LRRN3: variants seen among roughly 807,000 people sequenced by gnomAD.
LRRN3 encodes leucine-rich repeat neuronal protein 3.
In LRRN3, 15 loss-of-function variants were observed where a neutral mutation model predicts 40.1. That is an observed-to-expected ratio of 0.37 (90% CI 0.25 to 0.58). LRRN3 has a LOEUF of 0.58. Ranked by LOEUF, LRRN3 falls within the 20% of genes least tolerant of loss-of-function variation. The probability of loss-of-function intolerance (pLI) is 0.72; values close to 1 mark genes in which losing one functional copy is unlikely to be tolerated. For missense variants in LRRN3, 746 were observed against 837.7 expected (o/e 0.89, Z 1.35); for synonymous variants, 308 against 297.2 (o/e 1.04, Z -0.37).
intron 2 of LRRN3, among the ~76,000 whole-genome samples, chr7:111,100,624 T>G (rs1797872368): frequency 6.6e-6 from 1 of 151,068 alleles, no homozygotes; most frequent in African/African-American, 2.4e-5. Context: ...GATTTTCTAC[T>G]TAAACATTCT....
chr7:111,110,523 G>A (rs1021671302), intron 2 of LRRN3, among the ~76,000 whole-genome samples: 3 of 152,010 alleles, frequency 2.0e-5, no homozygotes, highest in South Asian at 2.1e-4. Flanking sequence ...AGTTTTATTC[G>A]TTTTTCAGTT....
Position 111,098,701 on chromosome 7 carries a change from G to A in LRRN3, c.-440-1180G>A, listed in dbSNP as rs150316763. On this transcript the variant is annotated intron_variant, in intron 1 of 2. Coordinates refer to ENST00000308478, the MANE Select transcript of LRRN3 (RefSeq NM_001099658.2). ...TTCATAACGACCGTACTAAGTAAGC[G>A]CTATGTTTAACCCATTTTACCAACG... 5.1e-4 allele frequency among the ~76,000 whole-genome samples: 77 copies of A among 151,792 alleles called. No homozygotes were observed. In the East Asian group the frequency reaches 0.012, roughly 24 times the overall value.
intron 2 of LRRN3, among the ~76,000 whole-genome samples, chr7:111,111,929 A>G (rs907947287): frequency 7.0e-6 from 1 of 143,820 alleles, no homozygotes; most frequent in African/African-American, 2.6e-5. Flanking sequence ...ATTTATATAT[A>G]TATATATAGT....
chr7:111,123,057 T>C lies in LRRN3; in HGVS notation c.285T>C (p.Thr95=), dbSNP rs151294396. The change falls in exon 3 of 3, where the codon ACT becomes ACC. Residue 95 remains threonine (T), a synonymous_variant. Coordinates refer to ENST00000308478, the MANE Select transcript of LRRN3 (RefSeq NM_001099658.2). The surrounding 1 kb of genome is among the most constrained non-coding windows in gnomAD (Gnocchi z 6.4). ...CCACAGACTTTCCAGTAAACCTTAC[T>C]GGCCTGGATTTATCTCAAAACAATT... is the stretch of plus-strand genomic sequence containing the variant. ...EYSTDFPVNL[T]GLDLSQNNLS... 8.4e-5 allele frequency: 135 copies of C among 1,613,792 alleles called. No individual in the cohort carries two copies. The highest frequency in any genetic ancestry group is 1.1e-4 in the Non-Finnish European group (134 of 1,179,954).
In LRRN3 at chr7:111,116,090, C is replaced by G. The variant is rs974129993; in HGVS notation, c.-358-6325C>G. ...TCTCTCAAATCTGCCCAAAGCATAT[C>G]TTGAGACTCAGGAGAGAGAATTGTG... On this transcript the variant is annotated intron_variant, in intron 2 of 2. Transcript: ENST00000308478. Among the ~76,000 whole-genome samples, 7 of 152,164 alleles carry G rather than the reference C, an allele frequency of 4.6e-5. No individual in the cohort carries two copies. The East Asian group carries it at 1.3e-3, about 29-fold the overall frequency.
In LRRN3 at chr7:111,124,907, C is replaced by G. The variant is rs759988148; in HGVS notation, c.*8C>G. ...CCAACAAATATGTCCTAAAAACCAC[C>G]AAGGAAACCTACTCCAAAAATGAAC... On this transcript the variant is annotated 3_prime_UTR_variant, in exon 3 of 3. Coordinates refer to ENST00000308478, the MANE Select transcript of LRRN3 (RefSeq NM_001099658.2). 2.8e-6 allele frequency: 4 copies of G among 1,424,632 alleles called. No individual in the cohort carries two copies. Among genetic ancestry groups the G allele is most frequent in the Non-Finnish European group, 3.7e-6 (4 of 1,078,690 alleles). 88.2% of individuals were successfully genotyped at this position (1,424,632 alleles called of 1,614,324 possible).
At chr7:111,102,041 A>G (rs1798033634) in intron 2 of LRRN3, among the ~76,000 whole-genome samples, 1 of 151,382 alleles carries the variant, frequency 6.6e-6, no homozygotes, top group African/African-American at 2.4e-5. Context: ...ACTGCCGCCA[A>G]TATGATTAAT....
In LRRN3 at chr7:111,123,871, A is replaced by G. The variant is rs368864566; in HGVS notation, c.1099A>G (p.Ser367Gly). The change falls in exon 3 of 3, where the codon AGT becomes GGT. Residue 367 changes from serine to glycine, a missense_variant. Ser to Gly is a moderately conservative substitution (Grantham distance 56, BLOSUM62 0). Coordinates refer to ENST00000308478, the MANE Select transcript of LRRN3 (RefSeq NM_001099658.2). The surrounding 1 kb of genome is among the most constrained non-coding windows in gnomAD (Gnocchi z 6.4). ...AAACCTCAAGGAAATCAGCATACAC[A>G]GTAACCCCATCAGGTGTGACTGTGT... Reference protein sequence around the residue: ...LPNLKEISIHSNPIRCDCVIR... With the variant: ...LPNLKEISIHGNPIRCDCVIR... The G allele has an allele frequency of 6.2e-6, 10 of 1,614,044 alleles. No homozygotes were observed. The African/African-American group carries it at 1.3e-4, about 22-fold the overall frequency.
chr7:111,094,517 T>A (rs879455874), intron 1 of LRRN3, among the ~76,000 whole-genome samples: 2 of 152,154 alleles, frequency 1.3e-5, no homozygotes, highest in Non-Finnish European at 2.9e-5. Flanking sequence ...TTTAGCTACT[T>A]ATGTATCACT....
In LRRN3 at chr7:111,124,374, C is replaced by T. The variant is rs1801030583; in HGVS notation, c.1602C>T (p.Ala534=). ...SLNIKIRDIQ[A]NSVLVSWKAS... is the part of the protein sequence containing the mutation. ...ATATTAAAATAAGAGATATTCAGGCCAATTCAGTTTTGGTGTCCTGGAAAG... is the reference window on the plus strand; with the variant it reads ...ATATTAAAATAAGAGATATTCAGGCTAATTCAGTTTTGGTGTCCTGGAAAG... The change falls in exon 3 of 3, where the codon GCC becomes GCT. Residue 534 remains alanine, a synonymous_variant. Coordinates refer to ENST00000308478, the MANE Select transcript of LRRN3 (RefSeq NM_001099658.2). 1 of 1,613,486 alleles carries T rather than the reference C, an allele frequency of 6.2e-7. No homozygotes were observed. The highest frequency in any genetic ancestry group is 2.2e-5 in the East Asian group (1 of 44,822).
intron 2 of LRRN3, among the ~76,000 whole-genome samples, chr7:111,109,745 T>C (rs1272975451): frequency 6.6e-6 from 1 of 152,218 alleles, no homozygotes; most frequent in African/African-American, 2.4e-5. Context: ...AATTTGTACA[T>C]TGTAGCACAA....
chr7:111,092,966 G>A (rs1418269862), intron 1 of LRRN3, among the ~76,000 whole-genome samples: 1 of 152,068 alleles, frequency 6.6e-6, no homozygotes, highest in Non-Finnish European at 1.5e-5. Context: ...GCTATTATTG[G>A]TTTCCTAGTT....
chr7:111,119,174 T>G (rs1741796416), intron 2 of LRRN3, among the ~76,000 whole-genome samples: 1 of 152,218 alleles, frequency 6.6e-6, no homozygotes, highest in African/African-American at 2.4e-5. Flanking sequence ...GGTTTCTCCA[T>G]TCTCAGCTAA....
chr7:111,109,295 G>A (rs753771612), intron 2 of LRRN3, among the ~76,000 whole-genome samples: 5 of 151,308 alleles, frequency 3.3e-5, no homozygotes, highest in South Asian at 2.1e-4. Context: ...AAGGTATGAC[G>A]GAGGCACATC....
At chr7:111,119,304 C>T (rs1306063623) in intron 2 of LRRN3, among the ~76,000 whole-genome samples, 1 of 152,130 alleles carries the variant, frequency 6.6e-6, no homozygotes, top group Non-Finnish European at 1.5e-5. Context: ...TATATGCTCC[C>T]AAATGAGCAT....
intron 1 of LRRN3, among the ~76,000 whole-genome samples, chr7:111,093,879 G>T (rs13229845): frequency 6.6e-6 from 1 of 152,034 alleles, no homozygotes; most frequent in Non-Finnish European, 1.5e-5. Flanking sequence ...ATTTTTTTCA[G>T]GGTGTCGCTT....
chr7:111,118,518 T>C (rs1035594886), intron 2 of LRRN3, among the ~76,000 whole-genome samples: 2 of 152,076 alleles, frequency 1.3e-5, no homozygotes, highest in African/African-American at 4.8e-5. Context: ...CACCATTTAT[T>C]TGTTGTGTGG....
At position 111,124,026 on chromosome 7, in the gene LRRN3, T is replaced by G; in HGVS notation, c.1254T>G (p.Ile418Met). ...RQVHFRDMME[I>M]CLPLIAPESF... ...TGCATTTCAGGGACATGATGGAAAT[T>G]TGTCTCCCTCTTATAGCTCCTGAGA... Residue 418 changes from isoleucine (I) to methionine (M), a missense_variant, in exon 3 of 3, where the codon ATT (isoleucine) becomes ATG (methionine). Ile to Met is a conservative substitution (Grantham distance 10). Transcript: ENST00000308478. 1.2e-6 allele frequency: 2 copies of G among 1,614,086 alleles called. No homozygotes were observed. Among genetic ancestry groups the G allele is most frequent in the Non-Finnish European group, 1.7e-6 (2 of 1,179,978 alleles).
In LRRN3 at chr7:111,124,441, T is replaced by C; in HGVS notation, c.1669T>C (p.Phe557Leu). 1 of 1,613,816 alleles carries C rather than the reference T, an allele frequency of 6.2e-7. No individual in the cohort carries two copies. Among genetic ancestry groups the C allele is most frequent in the Non-Finnish European group, 8.5e-7 (1 of 1,179,916 alleles). Reference sequence around the variant, plus strand: ...CAAATCTAGTGTTAAATGGACAGCCTTTGTCAAGACTGAAAATTCTCATGC... The same window carrying C: ...CAAATCTAGTGTTAAATGGACAGCCCTTGTCAAGACTGAAAATTCTCATGC... ...ILKSSVKWTAFVKTENSHAAQ... is the reference protein window; with the variant it reads ...ILKSSVKWTALVKTENSHAAQ... The change falls in exon 3 of 3, where the codon TTT (phenylalanine) becomes CTT (leucine). Residue 557 changes from phenylalanine (F) to leucine (L), a missense_variant. By Grantham distance (22) the Phe-to-Leu change is conservative. Transcript: ENST00000308478.
Sources: allele counts gnomAD v4.1 joint callset (sites outside exome capture counted in the v4.1 genomes callset), GRCh38; gene constraint gnomAD v4.1.1; non-coding constraint Gnocchi (gnomAD v3.1); transcripts MANE v1.5; gene names NCBI Gene and HGNC (gene_info 2026-07-23, HGNC 2026-07-21).